The following SPAST variants were observed in gnomAD, a reference collection of about 807,000 sequenced individuals.
SPAST encodes spastic paraplegia 4 (autosomal dominant; spastin).
Under a neutral mutation model 76.6 loss-of-function variants are expected in SPAST, and 30 were observed. The observed-to-expected ratio is 0.39, with a 90% CI of 0.29 to 0.53. SPAST has a LOEUF of 0.53. Among genes scored for constraint, SPAST ranks in the 20% least tolerant of loss-of-function variants. The pLI is 0.68. For missense variants in SPAST, 717 were observed against 770.5 expected, an observed-to-expected ratio of 0.93 and a Z score of 0.82; for synonymous variants, 305 against 281.0, an observed-to-expected ratio of 1.09 and a Z score of -0.86.
intron 1 of SPAST, among the ~76,000 whole-genome samples, chr2:32,078,147 C>T (rs931401562): frequency 5.3e-5 from 8 of 151,912 alleles, no homozygotes; most frequent in Non-Finnish European, 5.9e-5. Context: ...CCCGCCACTA[C>T]GCCCGGCTAA....
chr2:32,119,719 G>A (rs1262828101), intron 7 of SPAST, among the ~76,000 whole-genome samples: 1 of 152,038 alleles, frequency 6.6e-6, no homozygotes, highest in Non-Finnish European at 1.5e-5. Flanking sequence ...AAACTAAATA[G>A]CAGAAAATAG....
In SPAST at chr2:32,063,675, C is replaced by T. The variant is rs973556043; in HGVS notation, c.-157C>T. On this transcript the variant is annotated 5_prime_UTR_variant, in exon 1 of 17. Coordinates refer to ENST00000315285, the MANE Select transcript of SPAST (RefSeq NM_014946.4). ...TCCTGGCCGAGGAAGGAGAAAGGGGCGGGGCCGGCGGGCAGCGTGCGGCAG... is the reference window on the plus strand; with the variant it reads ...TCCTGGCCGAGGAAGGAGAAAGGGGTGGGGCCGGCGGGCAGCGTGCGGCAG... 2.1e-6 allele frequency: 2 copies of T among 937,628 alleles called. No individual in the cohort carries two copies. Among genetic ancestry groups the T allele is most frequent in the Non-Finnish European group, 3.1e-6 (2 of 646,994 alleles). The allele number at this position is 937,628 out of a possible 1,614,324, so 58.1% of individuals were successfully genotyped here.
intron 1 of SPAST, among the ~76,000 whole-genome samples, chr2:32,074,750 A>G (rs1573045811): frequency 6.6e-6 from 1 of 151,772 alleles, no homozygotes; most frequent in East Asian, 1.9e-4. Flanking sequence ...CAAGCAATCC[A>G]TCTGCCTCAG....
At chr2:32,085,329 C>T (rs1419269157) in intron 1 of SPAST, among the ~76,000 whole-genome samples, 1 of 151,090 alleles carries the variant, frequency 6.6e-6, no homozygotes, top group African/African-American at 2.4e-5. Context: ...TGACCTCTCT[C>T]CTCAGTCCCC....
intron 15 of SPAST, among the ~76,000 whole-genome samples, chr2:32,145,407 T>G (rs1190197852): frequency 6.6e-6 from 1 of 152,110 alleles, no homozygotes; most frequent in African/African-American, 2.4e-5. Flanking sequence ...TTAAAACCAT[T>G]CTTAGCTCAC....
At chr2:32,096,643 G>A (rs1326785750) in intron 3 of SPAST, among the ~76,000 whole-genome samples, 2 of 151,932 alleles carry the variant, frequency 1.3e-5, no homozygotes, top group Non-Finnish European at 2.9e-5. Flanking sequence ...TTTATTCCTA[G>A]CTATAAAAAC....
intron 1 of SPAST, among the ~76,000 whole-genome samples, chr2:32,086,039 C>CTAAATAAA (rs57272659): frequency 1.4e-3 from 205 of 150,410 alleles, no homozygotes; most frequent in Admixed American, 2.3e-3. Flanking sequence ...GAGACTCCAT[C>CTAAATAAA]TAAATAAATA....
chr2:32,133,655 TAA>T (rs573039556), intron 9 of SPAST, among the ~76,000 whole-genome samples: 3 of 142,458 alleles, frequency 2.1e-5, no homozygotes, highest in African/African-American at 7.7e-5. Flanking sequence ...TATCTATTAT[TAA>T]AAAAAAAAAA....
At chr2:32,067,061 T>G (rs115251361) in intron 1 of SPAST, among the ~76,000 whole-genome samples, 1 of 152,052 alleles carries the variant, frequency 6.6e-6, no homozygotes, top group Non-Finnish European at 1.5e-5. Flanking sequence ...AAGGAAATTT[T>G]TTTTATTTGT....
At chr2:32,086,031 G>T (rs1477065129) in intron 1 of SPAST, among the ~76,000 whole-genome samples, 1 of 143,810 alleles carries the variant, frequency 7.0e-6, no homozygotes, top group Non-Finnish European at 1.5e-5. Context: ...TACAGAGAGA[G>T]ACTCCATCTA....
chr2:32,116,229 A>G lies in SPAST; in HGVS notation c.1098+17A>G. On this transcript the variant is annotated intron_variant, in intron 7 of 16. Transcript: ENST00000315285. ...AGGCCTGAGGTAAGAACTTTATATT[A>G]TCATTTTTCTATAATACCATCTGTT... 2 of 1,517,584 alleles carry G rather than the reference A, an allele frequency of 1.3e-6. No individual in the cohort carries two copies. Among genetic ancestry groups the G allele is most frequent in the Non-Finnish European group, 1.8e-6 (2 of 1,092,434 alleles). 94.0% of individuals were successfully genotyped at this position (1,517,584 alleles called of 1,614,324 possible). A position where few individuals can be genotyped will look rare whatever the true frequency, so the allele number is the denominator to read the frequency against.
rs1049863486 is a variant in SPAST, at chr2:32,075,380, C to T, written c.415+11134C>T. 7.2e-5 allele frequency among the ~76,000 whole-genome samples: 10 copies of T among 138,496 alleles called. No homozygotes were observed. In the East Asian group the frequency reaches 1.1e-3, roughly 16 times the overall value. 90.9% of individuals were successfully genotyped at this position (138,496 alleles called of 152,430 possible). A position where few individuals can be genotyped will look rare whatever the true frequency, so the allele number is the denominator to read the frequency against. On this transcript the variant is annotated intron_variant, in intron 1 of 16. Transcript: ENST00000315285. ...GACAGAGCTTGCAGTGAGCCGAGAT[C>T]GCGCCACTGCACCCCAGCCTGGGCC...
At chr2:32,083,774 A>ATTTTT (rs1333329179) in intron 1 of SPAST, among the ~76,000 whole-genome samples, 5 of 54,390 alleles carry the variant, frequency 9.2e-5, no homozygotes, top group Admixed American at 4.7e-4. Flanking sequence ...ATATATATAT[A>ATTTTT]TATTTTTTTT....
At chr2:32,102,427 T>A (rs1397569373) in intron 4 of SPAST, among the ~76,000 whole-genome samples, 1 of 152,162 alleles carries the variant, frequency 6.6e-6, no homozygotes, top group Non-Finnish European at 1.5e-5. Flanking sequence ...ACAGGGACAA[T>A]TTGACTTTCT....
intron 2 of SPAST, 114 bp downstream of exon 2, chr2:32,087,692 T>TTA: frequency 9.0e-5 from 29 of 322,044 alleles, no homozygotes; most frequent in Non-Finnish European, 1.2e-4. Context: ...TTCTTTTCTT[T>TTA]TCTTTTTTTT....
intron 3 of SPAST, among the ~76,000 whole-genome samples, chr2:32,090,526 C>T (rs1246588036): frequency 6.6e-6 from 1 of 152,116 alleles, no homozygotes; most frequent in Non-Finnish European, 1.5e-5. Context: ...TTTCTTTTAA[C>T]ATTATCCAAA....
At chr2:32,082,190 A>G (rs13390900) in intron 1 of SPAST, among the ~76,000 whole-genome samples, 1 of 150,398 alleles carries the variant, frequency 6.6e-6, no homozygotes, top group Admixed American at 6.6e-5. Context: ...ATTGGGTTTC[A>G]TCATGTTGGC....
chr2:32,083,073 G>C (rs1677305240), intron 1 of SPAST, among the ~76,000 whole-genome samples: 1 of 152,066 alleles, frequency 6.6e-6, no homozygotes, highest in African/African-American at 2.4e-5. Context: ...CCCGGTTCAA[G>C]TGATTCTCCT....
intron 9 of SPAST, among the ~76,000 whole-genome samples, chr2:32,135,903 C>T (rs1679519881): frequency 1.3e-5 from 2 of 152,036 alleles, no homozygotes. Flanking sequence ...TATGGTAAAA[C>T]CCCATCTTTA....
Sources: allele counts gnomAD v4.1 joint callset (sites outside exome capture counted in the v4.1 genomes callset), GRCh38; gene constraint gnomAD v4.1.1; transcripts MANE v1.5; gene names NCBI Gene and HGNC (gene_info 2026-07-23, HGNC 2026-07-21).